CFAP251: variants seen among roughly 807,000 people sequenced by gnomAD.
The protein encoded by CFAP251 is cilia and flagella associated protein 251, also known as cilia- and flagella-associated protein 251.
In CFAP251, 93 loss-of-function variants were observed where a neutral mutation model predicts 126.7. The observed-to-expected ratio is 0.73, with a 90% CI of 0.62 to 0.87. CFAP251 has a LOEUF of 0.87. CFAP251 is among the 40% of genes least tolerant of loss of function. The probability of loss-of-function intolerance (pLI) is 0.00; values close to 1 mark genes in which losing one functional copy is unlikely to be tolerated. For missense variants in CFAP251, 1,287 were observed against 1,389.2 expected (o/e 0.93, Z 1.17); for synonymous variants, 503 against 506.9 (o/e 0.99, Z 0.10).
At chr12:121,997,138 C>T (rs1188042452) in intron 19 of CFAP251, 1 of 152,118 alleles carries the variant, frequency 6.6e-6, no homozygotes, top group African/African-American at 2.4e-5. Flanking sequence ...CCACATAGAG[C>T]AGTGAAGTGG....
At chr12:121,986,836 C>T (rs1882761215) in intron 19 of CFAP251, among the ~76,000 whole-genome samples, 1 of 151,870 alleles carries the variant, frequency 6.6e-6, no homozygotes, top group Non-Finnish European at 1.5e-5. Flanking sequence ...TCAGTGGCAT[C>T]TGCCCTCCTT....
At chr12:121,959,300 G>T (rs61952864) in intron 13 of CFAP251, 218 of 498,074 alleles carry the variant, frequency 4.4e-4, no homozygotes, top group Non-Finnish European at 6.7e-4. Flanking sequence ...AATTAGCCAG[G>T]CCTTGTGGCA....
At chr12:121,939,657 A>C (rs1281888914) in intron 5 of CFAP251, among the ~76,000 whole-genome samples, 7 of 152,164 alleles carry the variant, frequency 4.6e-5, no homozygotes, top group Non-Finnish European at 1.0e-4. Flanking sequence ...ATGCTATGTT[A>C]ATATGAATTT....
chr12:121,957,042 A>G (rs771310522), intron 10 of CFAP251, 32 bp from the exon 11 acceptor site: 6 of 1,512,050 alleles, frequency 4.0e-6, no homozygotes, highest in Admixed American at 2.1e-5. Context: ...TATTATTGCT[A>G]TTTGCAAAAC....
chr12:121,926,757 C>A (rs1456429469), intron 3 of CFAP251, among the ~76,000 whole-genome samples: 1 of 152,032 alleles, frequency 6.6e-6, no homozygotes, highest in Non-Finnish European at 1.5e-5. Flanking sequence ...CCAGCCTGAT[C>A]AACATGGTGA....
Position 121,962,073 on chromosome 12 carries a change from G to A in CFAP251, c.2403G>A (p.Trp801Ter). ...GCTGCTATCCCACCTGCATGGTCTGGTACCCACCACTCACCAGGGAACTCT... is the reference window on the plus strand; with the variant it reads ...GCTGCTATCCCACCTGCATGGTCTGATACCCACCACTCACCAGGGAACTCT... ...DQGCYPTCMVWYPPLTRELFL... is the reference protein window; with the variant it reads ...DQGCYPTCMV Residue 801 changes from tryptophan to a stop codon, truncating the protein, a stop_gained, in exon 15 of 22, where the codon TGG becomes TGA. Transcript: ENST00000288912. LOFTEE classifies it high-confidence loss of function. 6.2e-7 allele frequency: 1 copy of A among 1,613,968 alleles called. No individual in the cohort carries two copies. The highest frequency in any genetic ancestry group is 8.5e-7 in the Non-Finnish European group (1 of 1,180,016).
intron 9 of CFAP251, among the ~76,000 whole-genome samples, chr12:121,951,959 T>C (rs895789365): frequency 2.0e-5 from 3 of 152,010 alleles, no homozygotes; most frequent in Non-Finnish European, 4.4e-5. Context: ...CCTGACCTTA[T>C]GATCCACCTA....
chr12:121,940,045 C>T (rs767584302), intron 5 of CFAP251, among the ~76,000 whole-genome samples: 7 of 152,096 alleles, frequency 4.6e-5, no homozygotes, highest in Non-Finnish European at 7.3e-5. Flanking sequence ...TATGGTAAAT[C>T]TTAAGTTTCC....
chr12:121,957,452 C>A (rs1881765643), intron 11 of CFAP251, among the ~76,000 whole-genome samples, 184 bp downstream of exon 11: 2 of 152,132 alleles, frequency 1.3e-5, no homozygotes, highest in African/African-American at 4.8e-5. Flanking sequence ...CGCCTGTAAT[C>A]CCAGCACTTT....
At position 122,001,252 on chromosome 12, in the gene CFAP251, C is replaced by T. The variant is rs975953008; in HGVS notation, c.3236-245C>T. Among the ~76,000 whole-genome samples, 6 of 151,692 alleles carry T rather than the reference C, an allele frequency of 4.0e-5. No individual in the cohort carries two copies. In the East Asian group the frequency reaches 5.8e-4, roughly 15 times the overall value. ...TGTATTTTTAGTAGAGATGGGGTTT[C>T]ACCATGTTGGCCAGGCTGGTCTCGA... On this transcript the variant is annotated intron_variant, in intron 20 of 21. Transcript: ENST00000288912.
chr12:121,990,691 T>A (rs1010810185), intron 19 of CFAP251, among the ~76,000 whole-genome samples: 3 of 152,208 alleles, frequency 2.0e-5, no homozygotes, highest in African/African-American at 7.2e-5. Flanking sequence ...GTAGCCAACC[T>A]TTTAAAATCA....
intron 19 of CFAP251, among the ~76,000 whole-genome samples, chr12:121,991,343 C>A (rs1332391220): frequency 6.6e-6 from 1 of 152,160 alleles, no homozygotes; most frequent in Non-Finnish European, 1.5e-5. Flanking sequence ...CAGCTGCCAC[C>A]CATTATTACT....
chr12:121,967,789 C>A (rs901055546), intron 16 of CFAP251, among the ~76,000 whole-genome samples: 2 of 152,162 alleles, frequency 1.3e-5, no homozygotes. Context: ...GGAAAGCTTC[C>A]CTTCTGTGTA....
chr12:121,934,409 C>T (rs1880810858), intron 5 of CFAP251, 53 bp downstream of exon 5: 6 of 1,354,194 alleles, frequency 4.4e-6, no homozygotes, highest in Non-Finnish European at 6.3e-6. Flanking sequence ...AGAGTATCTG[C>T]CACTGTGTGA....
At chr12:121,992,715 C>G (rs901613933) in intron 19 of CFAP251, among the ~76,000 whole-genome samples, 2 of 151,816 alleles carry the variant, frequency 1.3e-5, no homozygotes, top group African/African-American at 4.8e-5. Context: ...GTAGCTGGGA[C>G]TACAGGCACA....
At chr12:121,963,863 C>G (rs961675162) in intron 15 of CFAP251, among the ~76,000 whole-genome samples, 4 of 151,776 alleles carry the variant, frequency 2.6e-5, no homozygotes, top group African/African-American at 4.8e-5. Flanking sequence ...GGCCTCGACA[C>G]AGCCCTGGCT....
intron 5 of CFAP251, among the ~76,000 whole-genome samples, chr12:121,937,350 A>G (rs962181285): frequency 8.5e-5 from 13 of 152,094 alleles, no homozygotes; most frequent in African/African-American, 3.1e-4. Flanking sequence ...ACTGGGCATT[A>G]GATTTGGGGC....
intron 15 of CFAP251, among the ~76,000 whole-genome samples, chr12:121,964,019 C>CT (rs1331466529): frequency 6.6e-6 from 1 of 152,132 alleles, no homozygotes; most frequent in East Asian, 1.9e-4. Context: ...ACCACTGCCA[C>CT]TGCCACCACC....
At chr12:121,991,478 C>T (rs1040285707) in intron 19 of CFAP251, among the ~76,000 whole-genome samples, 2 of 152,200 alleles carry the variant, frequency 1.3e-5, no homozygotes, top group African/African-American at 4.8e-5. Flanking sequence ...ATTGACTTCA[C>T]GTGACCTAGG....
Sources: gnomAD v4.1 joint callset for allele counts (sites outside exome capture counted in the v4.1 genomes callset) on GRCh38, gnomAD v4.1.1 for gene constraint, MANE v1.5 for transcripts, NCBI Gene and HGNC (gene_info 2026-07-23, HGNC 2026-07-21) for gene names.